Variants in PLAGL2 observed in about 807,000 individuals in gnomAD.
PLAGL2 encodes the protein zinc finger protein PLAGL2.
Under a neutral mutation model 29.0 loss-of-function variants are expected in PLAGL2, and 7 were observed. The observed-to-expected ratio is 0.24, with a 90% CI of 0.14 to 0.45. PLAGL2 has a LOEUF of 0.45. Among genes scored for constraint, PLAGL2 ranks in the 20% least tolerant of loss-of-function variants. The pLI is 0.99. For missense variants in PLAGL2, 454 were observed against 648.2 expected (o/e 0.70, Z 3.25); for synonymous variants, 234 against 266.0 (o/e 0.88, Z 1.17).
intron 1 of PLAGL2, among the ~76,000 whole-genome samples, chr20:32,204,882 A>G (rs2047278134): frequency 6.6e-6 from 1 of 152,242 alleles, no homozygotes; most frequent in South Asian, 2.1e-4. Context: ...ACCTGTTTCC[A>G]TAAAACAAAC....
intron 1 of PLAGL2, among the ~76,000 whole-genome samples, chr20:32,203,097 G>A (rs903976236): frequency 3.3e-5 from 5 of 152,208 alleles, no homozygotes; most frequent in Admixed American, 2.6e-4. Context: ...GAAGACGGTA[G>A]CGAGCTCGCA....
rs777662866 is a variant in PLAGL2 at position 32,202,077 on chromosome 20, C to T, written c.102G>A (p.Ala34=). 28 of 1,614,102 alleles carry T rather than the reference C, an allele frequency of 1.7e-5. No homozygotes were observed. In the South Asian group the frequency reaches 2.3e-4, roughly 13 times the overall value. Reference sequence around the variant, plus strand: ...CACATTGGCACTTCACTTGACTCTCCGCCTCCCGGCCCCGAGGCCTGGGAA... The same window carrying T: ...CACATTGGCACTTCACTTGACTCTCTGCCTCCCGGCCCCGAGGCCTGGGAA... ...KLVPRPRGRE[A]ESQVKCQCEI... is the part of the protein sequence containing the mutation. The change falls in exon 2 of 3, where the codon GCG becomes GCA. Residue 34 remains alanine, a synonymous_variant. Transcript: ENST00000246229.
chr20:32,200,362 C>T (rs923717202), intron 2 of PLAGL2, among the ~76,000 whole-genome samples: 4 of 152,112 alleles, frequency 2.6e-5, no homozygotes, highest in East Asian at 1.9e-4. Context: ...CTCAGCCTCC[C>T]GGTAGCTGGG....
In PLAGL2 at chr20:32,192,634, T is replaced by C. The variant is rs2047206623; in HGVS notation, c.*3818A>G. On this transcript the variant is annotated 3_prime_UTR_variant, in exon 3 of 3. Coordinates refer to ENST00000246229, the MANE Select transcript of PLAGL2 (RefSeq NM_002657.3). Reference sequence around the variant, plus strand: ...CCTGTGCATTTTCTAATGGCACTTATACTTTACAATTAAAAACCTTGTTTT... The same window carrying C: ...CCTGTGCATTTTCTAATGGCACTTACACTTTACAATTAAAAACCTTGTTTT... The C allele has an allele frequency of 6.6e-6, 1 of 152,344 alleles. No homozygotes were observed. The highest frequency in any genetic ancestry group is 1.5e-5 in the Non-Finnish European group (1 of 68,048). The allele number at this position is 152,344 out of a possible 1,614,324, so 9.4% of individuals were successfully genotyped here.
At chr20:32,200,405 T>G (rs888696284) in intron 2 of PLAGL2, among the ~76,000 whole-genome samples, 2 of 151,722 alleles carry the variant, frequency 1.3e-5, no homozygotes, top group African/African-American at 4.8e-5. Context: ...CCCAGCTAAT[T>G]TTTTTTGTAT....
intron 1 of PLAGL2, among the ~76,000 whole-genome samples, chr20:32,206,178 C>A (rs1174758267): frequency 6.6e-6 from 1 of 152,162 alleles, no homozygotes; most frequent in Non-Finnish European, 1.5e-5. Flanking sequence ...GATCTCAGAA[C>A]CAGAAACAAA....
chr20:32,207,719 G>A lies in PLAGL2; in HGVS notation c.-193C>T. The A allele has an allele frequency of 9.1e-6, 3 of 329,046 alleles. No individual in the cohort carries two copies. The highest frequency in any genetic ancestry group is 1.5e-5 in the Non-Finnish European group (3 of 202,876). The allele number at this position is 329,046 out of a possible 1,614,324, so 20.4% of individuals were successfully genotyped here. ...CCCTCAGGCCCCGGTAGTGGCGGCG[G>A]TCGGGCCATTGTGCGGTGCATTGTG... On this transcript the variant is annotated 5_prime_UTR_variant, in exon 1 of 3. Coordinates refer to ENST00000246229, the MANE Select transcript of PLAGL2 (RefSeq NM_002657.3).
rs905968580 is a variant in PLAGL2 at position 32,197,390 on chromosome 20, C to T, written c.553G>A (p.Gly185Ser). 6 of 1,611,086 alleles carry T rather than the reference C, an allele frequency of 3.7e-6. No individual in the cohort carries two copies. The highest frequency in any genetic ancestry group is 2.2e-5 in the South Asian group (2 of 90,730). The change falls in exon 3 of 3, where the codon GGT (glycine) becomes AGT (serine). Residue 185 changes from glycine to serine, a missense_variant. Gly to Ser is a moderately conservative substitution (Grantham distance 56, BLOSUM62 0). Around this residue, in one of 4 missense-constraint regions of PLAGL2, gnomAD observed 111 missense variants for 173.1 expected, o/e 0.64. Transcript: ENST00000246229. The surrounding 1 kb of genome is among the most constrained non-coding windows in gnomAD (Gnocchi z 6.6). ...CAGGGGTGCTTCTTCTCCTTGGCAC[C>T]GCCTGCTACCCGGCGTGAGTGGGCC... Reference protein sequence around the residue: ...LKAHSRRVAGGAKEKKHPCDH... With the variant: ...LKAHSRRVAGSAKEKKHPCDH...
At chr20:32,199,954 G>A (rs1158061157) in intron 2 of PLAGL2, among the ~76,000 whole-genome samples, 1 of 152,142 alleles carries the variant, frequency 6.6e-6, no homozygotes, top group African/African-American at 2.4e-5. Flanking sequence ...TGTCAAGAGG[G>A]CAATCCTGAC....
chr20:32,207,208 C>G (rs1218172988), intron 1 of PLAGL2, among the ~76,000 whole-genome samples: 1 of 152,092 alleles, frequency 6.6e-6, no homozygotes, highest in African/African-American at 2.4e-5. Context: ...AGCGGGCTAT[C>G]TGGAGCAGGA....
chr20:32,196,902 G>A lies in PLAGL2; in HGVS notation c.1041C>T (p.Thr347=). 6 of 1,614,156 alleles carry A rather than the reference G, an allele frequency of 3.7e-6. No homozygotes were observed. The highest frequency in any genetic ancestry group is 5.1e-6 in the Non-Finnish European group (6 of 1,179,992). Residue 347 remains threonine, a synonymous_variant, in exon 3 of 3, where the codon ACC becomes ACT. Transcript: ENST00000246229. ...TGGGCAATTTGTCGGGCAAGTATGA[G>A]GTAGATCCAAGCTGGTATTTTGGAG... The part of the protein sequence containing the change: ...QLPPKYQLGS[T]SYLPDKLPKV...
chr20:32,201,584 T>TA (rs2047259604), intron 2 of PLAGL2, among the ~76,000 whole-genome samples: 1 of 152,098 alleles, frequency 6.6e-6, no homozygotes, highest in South Asian at 2.1e-4. Context: ...TCCCATTTCT[T>TA]AAAAAAACAA....
At position 32,197,016 on chromosome 20, in the gene PLAGL2, G is replaced by A. The variant is rs1422952715; in HGVS notation, c.927C>T (p.Gly309=). The A allele has an allele frequency of 6.2e-5, 100 of 1,613,956 alleles. No homozygotes were observed. Among genetic ancestry groups the A allele is most frequent in the Non-Finnish European group, 8.1e-5 (96 of 1,179,922 alleles). Residue 309 remains glycine, a synonymous_variant, in exon 3 of 3, where the codon GGC becomes GGT. Coordinates refer to ENST00000246229, the MANE Select transcript of PLAGL2 (RefSeq NM_002657.3). This position sits in a 1 kb window ranked among gnomAD's most constrained non-coding sequence, Gnocchi z 6.6. ...GAHIPTMPST[G]VPHSLVHNTL... is the part of the protein sequence containing the mutation. ...TGTTGTGCACCAGGGAGTGTGGCAC[G>A]CCCGTGCTGGGCATGGTAGGGATGT...
Position 32,194,774 on chromosome 20 carries a change from A to G in PLAGL2, c.*1678T>C, listed in dbSNP as rs901678684. 1.3e-5 allele frequency: 2 copies of G among 152,658 alleles called. No individual in the cohort carries two copies. Among genetic ancestry groups the G allele is most frequent in the African/African-American group, 4.8e-5 (2 of 41,444 alleles). 9.5% of individuals were successfully genotyped at this position (152,658 alleles called of 1,614,324 possible). Reference sequence around the variant, plus strand: ...TCAGCATGAGGCACCTACTGAGAGAAGTGCCCAGAAACTGCTGACTGCATC... The same window carrying G: ...TCAGCATGAGGCACCTACTGAGAGAGGTGCCCAGAAACTGCTGACTGCATC... On this transcript the variant is annotated 3_prime_UTR_variant, in exon 3 of 3. Transcript: ENST00000246229.
chr20:32,203,063 G>A (rs1376320200), intron 1 of PLAGL2, among the ~76,000 whole-genome samples: 1 of 137,972 alleles, frequency 7.2e-6, no homozygotes, highest in Non-Finnish European at 1.5e-5. Context: ...CAGGGCCTCA[G>A]AGTACATATG....
intron 1 of PLAGL2, among the ~76,000 whole-genome samples, chr20:32,205,921 T>C (rs967872454): frequency 1.3e-5 from 2 of 152,140 alleles, no homozygotes; most frequent in African/African-American, 2.4e-5. Context: ...TGTTCTTAAC[T>C]AAAGAGACCC....
In PLAGL2 at chr20:32,197,237, G is replaced by A; in HGVS notation, c.706C>T (p.Arg236Cys). ...QRFGRKDHLT[R>C]HVKKSHSQEL... ...TGCGAGTGGCTCTTCTTGACATGACGCGTCAGGTGGTCCTTACGGCCAAAC... is the reference window on the plus strand; with the variant it reads ...TGCGAGTGGCTCTTCTTGACATGACACGTCAGGTGGTCCTTACGGCCAAAC... Residue 236 changes from arginine (R) to cysteine (C), a missense_variant, in exon 3 of 3, where the codon CGT (arginine) becomes TGT (cysteine). Transcript: ENST00000246229. The surrounding 1 kb of genome is among the most constrained non-coding windows in gnomAD (Gnocchi z 6.6). The A allele has an allele frequency of 6.2e-7, 1 of 1,614,070 alleles. No homozygotes were observed. The highest frequency in any genetic ancestry group is 8.5e-7 in the Non-Finnish European group (1 of 1,179,984).
intron 1 of PLAGL2, among the ~76,000 whole-genome samples, chr20:32,202,936 A>G (rs1480114807): frequency 1.3e-5 from 2 of 152,224 alleles, no homozygotes; most frequent in African/African-American, 4.8e-5. Flanking sequence ...AACCAGGACT[A>G]GAACTGGTCC....
At chr20:32,199,932 G>C (rs1455894022) in intron 2 of PLAGL2, among the ~76,000 whole-genome samples, 1 of 152,040 alleles carries the variant, frequency 6.6e-6, no homozygotes, top group African/African-American at 2.4e-5. Flanking sequence ...GCACTCCTGA[G>C]GACCACAGAA....
Sources: gnomAD v4.1 joint callset for allele counts (sites outside exome capture counted in the v4.1 genomes callset) on GRCh38, gnomAD v4.1.1 for gene constraint, gnomAD v4.1.1 regional missense constraint, Gnocchi (gnomAD v3.1) non-coding constraint, MANE v1.5 for transcripts, NCBI Gene and HGNC (gene_info 2026-07-23, HGNC 2026-07-21) for gene names.